Variants in CYB5R4 observed in about 807,000 individuals in gnomAD.
The protein encoded by CYB5R4 is N-terminal cytochrome b5 and cytochrome b5 oxidoreductase domain-containing protein.
A neutral mutation model predicts 70.2 loss-of-function variants in CYB5R4; 55 were observed. That is an observed-to-expected ratio of 0.78 (90% CI 0.63 to 0.98). The LOEUF (loss-of-function observed/expected upper bound fraction) is 0.98, where lower values mean the gene tolerates loss of function less well. Ranked by LOEUF, CYB5R4 falls within the 50% of genes least tolerant of loss-of-function variation. CYB5R4 has a pLI of 0.00. For missense variants in CYB5R4, 562 were observed against 612.6 expected (o/e 0.92, Z 0.87); for synonymous variants, 197 against 199.5 (o/e 0.99, Z 0.11).
In CYB5R4 at chr6:83,909,100, G is replaced by T; in HGVS notation, c.412+10G>T. 1 of 1,612,326 alleles carries T rather than the reference G, an allele frequency of 6.2e-7. No individual in the cohort carries two copies. Among genetic ancestry groups the T allele is most frequent in the South Asian group, 1.1e-5 (1 of 91,014 alleles). ...CCTGCTGTTCTGAAAGGTAAGTGGT[G>T]CTGGTGCTAAACCAGCATGGATGTG... On this transcript the variant is annotated intron_variant, in intron 4 of 15. Coordinates refer to ENST00000369681, the MANE Select transcript of CYB5R4 (RefSeq NM_016230.4).
chr6:83,965,817 T>G lies in CYB5R4; in HGVS notation c.*5939T>G, dbSNP rs895528046. 1 of 152,032 alleles carries G rather than the reference T, an allele frequency of 6.6e-6. No homozygotes were observed. The highest frequency in any genetic ancestry group is 2.4e-5 in the African/African-American group (1 of 41,396). 9.4% of individuals were successfully genotyped at this position (152,032 alleles called of 1,614,324 possible). ...TGGGAGATAATTTGAATCATGGGGG[T>G]GGTTTCCCCCATACTGTTCTCATGG... On this transcript the variant is annotated 3_prime_UTR_variant, in exon 16 of 16. Transcript: ENST00000369681.
chr6:83,896,175 T>C (rs2099461864), intron 3 of CYB5R4, among the ~76,000 whole-genome samples: 2 of 152,138 alleles, frequency 1.3e-5, no homozygotes, highest in Admixed American at 1.3e-4. Flanking sequence ...TGTCTTTTTC[T>C]CCCTTCCCAC....
chr6:83,918,415 A>T (rs1321077706), intron 6 of CYB5R4, among the ~76,000 whole-genome samples: 2 of 152,138 alleles, frequency 1.3e-5, no homozygotes, highest in Admixed American at 1.3e-4. Flanking sequence ...CCATCCTTAG[A>T]TGTATACTAT....
intron 2 of CYB5R4, among the ~76,000 whole-genome samples, chr6:83,869,990 T>C (rs567685632): frequency 6.6e-6 from 1 of 152,288 alleles, no homozygotes; most frequent in South Asian, 2.1e-4. Context: ...ATATGTCAGA[T>C]AGGTTTCATT....
chr6:83,957,788 A>T (rs1277525315), intron 15 of CYB5R4, among the ~76,000 whole-genome samples: 2 of 152,114 alleles, frequency 1.3e-5, no homozygotes, highest in Non-Finnish European at 2.9e-5. Flanking sequence ...CTCACTCCTG[A>T]ACATGCTGCA....
At chr6:83,878,895 T>TA (rs960435912) in intron 2 of CYB5R4, among the ~76,000 whole-genome samples, 6 of 152,152 alleles carry the variant, frequency 3.9e-5, no homozygotes, top group African/African-American at 1.4e-4. Flanking sequence ...CCTGCAATGC[T>TA]AGAGGGTTTT....
intron 2 of CYB5R4, among the ~76,000 whole-genome samples, chr6:83,869,823 CAA>C (rs796657002): frequency 1.4e-5 from 2 of 140,094 alleles, no homozygotes. Flanking sequence ...AACTTCGTCT[CAA>C]AAAAAAAAAA....
intron 2 of CYB5R4, among the ~76,000 whole-genome samples, chr6:83,887,481 A>G (rs2099460436): frequency 6.6e-6 from 1 of 152,214 alleles, no homozygotes; most frequent in Non-Finnish European, 1.5e-5. Context: ...AAGAACAGGT[A>G]CTACCAGTAC....
chr6:83,863,737 A>T (rs2099456313), intron 1 of CYB5R4, among the ~76,000 whole-genome samples: 1 of 152,248 alleles, frequency 6.6e-6, no homozygotes, highest in African/African-American at 2.4e-5. Flanking sequence ...CAATACAACA[A>T]TAAAAAAATA....
chr6:83,955,212 G>A (rs1466767426), intron 14 of CYB5R4, 86 bp from the exon 15 acceptor site: 2 of 1,100,698 alleles, frequency 1.8e-6, no homozygotes, highest in Non-Finnish European at 2.5e-6. Flanking sequence ...TGTTCCTTTA[G>A]GGGAGAAATA....
At position 83,922,425 on chromosome 6, in the gene CYB5R4, TTGTC is replaced by T. The variant is rs1275436632; in HGVS notation, c.659-8_659-5del. On this transcript the variant is annotated splice_polypyrimidine_tract_variant and intron_variant, in intron 8 of 15. Transcript: ENST00000369681. Reference sequence around the variant, plus strand: ...GAAGTTCTATTTTAACTAAATAAATTTGTCTGTCCTAGGGCTAAGCCATGAGGTT... The same window carrying T: ...GAAGTTCTATTTTAACTAAATAAATTTGTCCTAGGGCTAAGCCATGAGGTT... 2.5e-6 allele frequency: 4 copies of T among 1,605,316 alleles called. No individual in the cohort carries two copies. Among genetic ancestry groups the T allele is most frequent in the Non-Finnish European group, 3.4e-6 (4 of 1,177,212 alleles).
At chr6:83,891,427 G>A (rs2129133704) in intron 2 of CYB5R4, among the ~76,000 whole-genome samples, 1 of 152,218 alleles carries the variant, frequency 6.6e-6, no homozygotes, top group Non-Finnish European at 1.5e-5. Context: ...CACATCCAGG[G>A]GTCCAAGTTT....
intron 2 of CYB5R4, among the ~76,000 whole-genome samples, chr6:83,889,276 A>C (rs984651514): frequency 1.3e-4 from 20 of 152,214 alleles, no homozygotes; most frequent in African/African-American, 4.8e-4. Flanking sequence ...TTGGCTAAAG[A>C]TGCCACGTAG....
At chr6:83,861,847 G>T (rs151323114) in intron 1 of CYB5R4, among the ~76,000 whole-genome samples, 1 of 152,276 alleles carries the variant, frequency 6.6e-6, no homozygotes, top group African/African-American at 2.4e-5. Context: ...AATATTAGAA[G>T]TATTTTGGTC....
In CYB5R4 at chr6:83,960,376, G is replaced by A. The variant is rs1159541697; in HGVS notation, c.*498G>A. 2 of 152,742 alleles carry A rather than the reference G, an allele frequency of 1.3e-5. No individual in the cohort carries two copies. Among genetic ancestry groups the A allele is most frequent in the Admixed American group, 1.3e-4 (2 of 15,264 alleles). The allele number at this position is 152,742 out of a possible 1,614,324, so 9.5% of individuals were successfully genotyped here. A position where few individuals can be genotyped will look rare whatever the true frequency, so the allele number is the denominator to read the frequency against. On this transcript the variant is annotated 3_prime_UTR_variant, in exon 16 of 16. Coordinates refer to ENST00000369681, the MANE Select transcript of CYB5R4 (RefSeq NM_016230.4). Reference sequence around the variant, plus strand: ...AAGTGATCCAAACATTTTTTTGTGTGTGTATGGCATTGATGCAGAATAGAA... The same window carrying A: ...AAGTGATCCAAACATTTTTTTGTGTATGTATGGCATTGATGCAGAATAGAA...
At chr6:83,879,481 G>A (rs570296225) in intron 2 of CYB5R4, among the ~76,000 whole-genome samples, 12 of 152,242 alleles carry the variant, frequency 7.9e-5, no homozygotes, top group Admixed American at 5.2e-4. Flanking sequence ...TACAGGGACC[G>A]GTGGTGGGAG....
At chr6:83,952,803 G>A (rs1298327827) in intron 14 of CYB5R4, among the ~76,000 whole-genome samples, 1 of 145,024 alleles carries the variant, frequency 6.9e-6, no homozygotes, top group Non-Finnish European at 1.6e-5. Context: ...AGAAGGCACA[G>A]TGACACTCTG....
chr6:83,936,423 A>C, intron 12 of CYB5R4, 47 bp downstream of exon 12: 1 of 1,533,744 alleles, frequency 6.5e-7, no homozygotes, highest in Non-Finnish European at 9.0e-7. Flanking sequence ...TCTAGATTGG[A>C]TCACATTGTC....
At chr6:83,903,129 A>G (rs941842704) in intron 3 of CYB5R4, among the ~76,000 whole-genome samples, 1 of 152,072 alleles carries the variant, frequency 6.6e-6, no homozygotes, top group Non-Finnish European at 1.5e-5. Flanking sequence ...AACTTTTCCC[A>G]GTGCAATATG....
Sources: gnomAD v4.1 joint callset for allele counts (sites outside exome capture counted in the v4.1 genomes callset) on GRCh38, gnomAD v4.1.1 for gene constraint, MANE v1.5 for transcripts, NCBI Gene and HGNC (gene_info 2026-07-23, HGNC 2026-07-21) for gene names.